Variants in CUX1 observed in about 807,000 individuals in gnomAD.
The protein encoded by CUX1 is cut like homeobox 1.
Under a neutral mutation model 158.8 loss-of-function variants are expected in CUX1, and 31 were observed. That is an observed-to-expected ratio of 0.20 (90% CI 0.15 to 0.26). CUX1 has a LOEUF of 0.26. CUX1 is among the 10% of genes least tolerant of loss of function. CUX1 has a pLI of 1.00. For synonymous variants in CUX1, 879 were observed against 862.1 expected (o/e 1.02, Z -0.34); for missense variants, 1,589 against 2,014.6 (o/e 0.79, Z 4.04).
At chr7:101,894,471 T>C (rs10261524) in intron 1 of CUX1, among the ~76,000 whole-genome samples, 31,852 of 151,970 alleles carry the variant, frequency 0.21, 5,068 homozygotes, top group East Asian at 0.84. Flanking sequence ...CCACCACACT[T>C]GGATAATTTT....
In CUX1 at chr7:102,225,341, G is replaced by T. The variant is rs1330918926; in HGVS notation, c.3131-2026G>T. On this transcript the variant is annotated intron_variant, in intron 20 of 23. Coordinates refer to ENST00000292535, the MANE Select transcript of CUX1 (RefSeq NM_181552.4). Reference sequence around the variant, plus strand: ...TTTATTTGAGGTTTTGCTCTTTCTAGGTATGAATACAAAATATTCCTTGTA... The same window carrying T: ...TTTATTTGAGGTTTTGCTCTTTCTATGTATGAATACAAAATATTCCTTGTA... Among the ~76,000 whole-genome samples, 7 of 152,192 alleles carry T rather than the reference G, an allele frequency of 4.6e-5. No homozygotes were observed. In the East Asian group the frequency reaches 1.3e-3, roughly 29 times the overall value.
rs748511869 is a variant in CUX1 at position 101,916,213 on chromosome 7, G to A, written c.129G>A (p.Lys43=). 1 of 1,609,588 alleles carries A rather than the reference G, an allele frequency of 6.2e-7. No individual in the cohort carries two copies. Among genetic ancestry groups the A allele is most frequent in the South Asian group, 1.1e-5 (1 of 90,968 alleles). Residue 43 remains lysine (K), a synonymous_variant, in exon 2 of 24, where the codon AAG becomes AAA. Transcript: ENST00000292535. The surrounding 1 kb of genome is among the most constrained non-coding windows in gnomAD (Gnocchi z 4.4). ...TCGAACAGAGCCGGGAGTTCAAGAAGAACACTCCAGAGGTGAGGCGCGTGA... is the reference window on the plus strand; with the variant it reads ...TCGAACAGAGCCGGGAGTTCAAGAAAAACACTCCAGAGGTGAGGCGCGTGA... The part of the protein sequence containing the change: ...RLIEQSREFK[K]NTPEDLRKQV...
intron 1 of CUX1, among the ~76,000 whole-genome samples, chr7:101,821,682 T>C (rs1455972956): frequency 9.0e-5 from 10 of 110,932 alleles, no homozygotes; most frequent in African/African-American, 2.5e-4. Context: ...TTTTTTTTTT[T>C]TTTTTTTTTT....
Position 102,169,258 on chromosome 7 carries a change from A to G in CUX1, c.724-1188A>G, listed in dbSNP as rs541642303. On this transcript the variant is annotated intron_variant, in intron 9 of 23. Transcript: ENST00000292535. ...AATTTTTTGTATTTTTAGTAGAGAT[A>G]TGGTTTCACCATGTTGGCCAGGCTG... 3.4e-3 allele frequency among the ~76,000 whole-genome samples: 514 copies of G among 151,940 alleles called. 2 individuals carry two copies. The highest frequency in any genetic ancestry group is 0.011 in the African/African-American group (474 of 41,430).
At chr7:102,263,106 C>G (rs536071632), downstream of CUX1, among the ~76,000 whole-genome samples, 1 of 150,342 alleles carries the variant, frequency 6.7e-6, no homozygotes, top group Admixed American at 6.6e-5. Flanking sequence ...CTCCACCTCC[C>G]AGGTTCAGGC....
intron 8 of CUX1, among the ~76,000 whole-genome samples, chr7:102,118,791 G>T (rs376003523): frequency 1.3e-5 from 2 of 152,118 alleles, no homozygotes; most frequent in African/African-American, 2.4e-5. Flanking sequence ...TTGCTCTGTC[G>T]TCTAGGCTGG....
chr7:101,968,613 G>A (rs1317920295), intron 2 of CUX1, among the ~76,000 whole-genome samples: 3 of 151,962 alleles, frequency 2.0e-5, no homozygotes, highest in Admixed American at 6.6e-5. Context: ...AGTAGAGACA[G>A]AATTTTCCCA....
At chr7:102,151,329 G>A (rs1051025963) in intron 8 of CUX1, among the ~76,000 whole-genome samples, 3 of 152,134 alleles carry the variant, frequency 2.0e-5, no homozygotes, top group Non-Finnish European at 4.4e-5. Flanking sequence ...GAGGCGGGTG[G>A]ATCACCTGAG....
intron 1 of CUX1, among the ~76,000 whole-genome samples, chr7:101,844,763 C>T (rs2131195646): frequency 6.6e-6 from 1 of 152,150 alleles, no homozygotes; most frequent in East Asian, 1.9e-4. Flanking sequence ...TTACAGGCGC[C>T]TGCCCCCATG....
At chr7:102,046,698 T>G (rs548140949) in intron 3 of CUX1, among the ~76,000 whole-genome samples, 126 of 148,950 alleles carry the variant, frequency 8.5e-4, no homozygotes, top group South Asian at 7.6e-3. Flanking sequence ...AGCCTCAGCC[T>G]CCTGAGTGGC....
intron 1 of CUX1, among the ~76,000 whole-genome samples, chr7:101,834,638 A>T (rs1307815377): frequency 6.6e-6 from 1 of 152,188 alleles, no homozygotes; most frequent in Non-Finnish European, 1.5e-5. Flanking sequence ...TGCAGAGAGC[A>T]GTTCTTTTGA....
rs566428197 is a variant in CUX1, at chr7:101,869,975, C to G, written c.31-46140C>G. On this transcript the variant is annotated intron_variant, in intron 1 of 23. Transcript: ENST00000292535. The surrounding 1 kb of genome is among the most constrained non-coding windows in gnomAD (Gnocchi z 4.5). ...GGGAAGGCGGCTCCTCGTGCCCCCC[C>G]TCTTGTGCCTTCCCTCCCCAGTGCC... 5.3e-5 allele frequency among the ~76,000 whole-genome samples: 8 copies of G among 151,892 alleles called. No homozygotes were observed. Among genetic ancestry groups the G allele is most frequent in the African/African-American group, 9.7e-5 (4 of 41,326 alleles).
intron 19 of CUX1, among the ~76,000 whole-genome samples, 192 bp downstream of exon 19, chr7:102,204,748 C>T (rs1795780533): frequency 6.6e-6 from 1 of 152,252 alleles, no homozygotes; most frequent in African/African-American, 2.4e-5. Flanking sequence ...TGCCGTGGGA[C>T]TGACTTCAGT....
At chr7:101,939,611 C>T (rs962158163) in intron 2 of CUX1, among the ~76,000 whole-genome samples, 1 of 151,908 alleles carries the variant, frequency 6.6e-6, no homozygotes, top group African/African-American at 2.4e-5. Flanking sequence ...GCGGGTGGAT[C>T]GCTTGAGCCC....
At chr7:102,166,756 A>G (rs1586006930) in intron 9 of CUX1, among the ~76,000 whole-genome samples, 1 of 152,190 alleles carries the variant, frequency 6.6e-6, no homozygotes, top group South Asian at 2.1e-4. Flanking sequence ...ATCTCACCAC[A>G]CAAACCACCT....
In CUX1 at chr7:102,249,337, C is replaced by T. The variant is rs372845751; in HGVS notation, c.*295C>T. The T allele has an allele frequency of 6.9e-6, 7 of 1,014,850 alleles. No homozygotes were observed. The African/African-American group carries it at 8.6e-5, about 12-fold the overall frequency. 62.9% of individuals were successfully genotyped at this position (1,014,850 alleles called of 1,614,324 possible). On this transcript the variant is annotated 3_prime_UTR_variant, in exon 24 of 24. Transcript: ENST00000292535. ...CGGCCTGGACCCCTGGACCGCTTTG[C>T]GCACTTACCGCCCTGCGGGCCACAG...
intron 3 of CUX1, among the ~76,000 whole-genome samples, chr7:102,069,246 G>A (rs1359013312): frequency 2.0e-5 from 3 of 152,122 alleles, no homozygotes; most frequent in Admixed American, 6.5e-5. Context: ...GGGTCTCCCT[G>A]CACCATGCAC....
At chr7:102,075,430 G>A (rs534852790) in intron 4 of CUX1, among the ~76,000 whole-genome samples, 109 of 152,264 alleles carry the variant, frequency 7.2e-4, no homozygotes, top group Non-Finnish European at 1.1e-3. Context: ...CACCCTGGCC[G>A]GGGACCCTGC....
chr7:101,906,422 G>C (rs1802762742), intron 1 of CUX1, among the ~76,000 whole-genome samples: 1 of 151,762 alleles, frequency 6.6e-6, no homozygotes, highest in East Asian at 1.9e-4. Context: ...AGAAGGAACA[G>C]CCTGTGGCGA....
Sources: gnomAD v4.1 joint callset for allele counts (sites outside exome capture counted in the v4.1 genomes callset) on GRCh38, gnomAD v4.1.1 for gene constraint, Gnocchi (gnomAD v3.1) non-coding constraint, MANE v1.5 for transcripts, NCBI Gene and HGNC (gene_info 2026-07-23, HGNC 2026-07-21) for gene names.